The following EFCAB8 variants were observed in gnomAD, a reference collection of about 807,000 sequenced individuals.
EFCAB8 encodes EF-hand calcium binding domain 8.
EFCAB8 carries 100 observed loss-of-function variants against 116.3 expected under a neutral mutation model. The observed-to-expected ratio is 0.86, with a 90% confidence interval of 0.73 to 1.02. The LOEUF (loss-of-function observed/expected upper bound fraction) is 1.02, where lower values mean the gene tolerates loss of function less well. EFCAB8 is among the 50% of genes least tolerant of loss of function. The pLI, the probability that EFCAB8 is intolerant of heterozygous loss-of-function variation, is 0.00. For missense variants in EFCAB8, 1,320 were observed against 1,416.9 expected (o/e 0.93, Z 1.10); for synonymous variants, 558 against 567.9 (o/e 0.98, Z 0.25).
At chr20:32,905,804 G>C (rs1380861587) in intron 11 of EFCAB8, among the ~76,000 whole-genome samples, 1 of 139,590 alleles carries the variant, frequency 7.2e-6, no homozygotes, top group Admixed American at 7.3e-5. Context: ...TATAGGTATA[G>C]AGTGGGCACC....
At chr20:32,921,382 T>TGTGC (rs2069208783) in intron 20 of EFCAB8, among the ~76,000 whole-genome samples, 1 of 151,414 alleles carries the variant, frequency 6.6e-6, no homozygotes, top group African/African-American at 2.4e-5. Context: ...TGTGTGTGTG[T>TGTGC]GTGTGTGTGT....
rs1223393423 is a variant in EFCAB8 at position 32,920,060 on chromosome 20, G to A, written c.2275-18G>A. The stretch of plus-strand genomic sequence containing the variant: ...GAAACACCCTCATGGTGACTTGGGT[G>A]CCCATCTTTCTTTCCAGAAACCTTC... On this transcript the variant is annotated intron_variant, in intron 19 of 26. Coordinates refer to ENST00000400522, the MANE Select transcript of EFCAB8 (RefSeq NM_001143967.2). The A allele has an allele frequency of 1.3e-6, 2 of 1,551,718 alleles. No homozygotes were observed. Among genetic ancestry groups the A allele is most frequent in the East Asian group, 2.4e-5 (1 of 40,928 alleles).
intron 2 of EFCAB8, among the ~76,000 whole-genome samples, chr20:32,864,916 AG>A (rs1175491645): frequency 6.6e-6 from 1 of 152,222 alleles, no homozygotes; most frequent in African/African-American, 2.4e-5. Context: ...ACATGTATTC[AG>A]GTGTCATTTA....
At chr20:32,941,729 C>A (rs970406501) in intron 22 of EFCAB8, among the ~76,000 whole-genome samples, 1 of 152,092 alleles carries the variant, frequency 6.6e-6, no homozygotes, top group African/African-American at 2.4e-5. Flanking sequence ...TGCGTAGTGA[C>A]TACTGGGTAA....
At chr20:32,934,336 C>T (rs962342242) in intron 22 of EFCAB8, among the ~76,000 whole-genome samples, 2 of 152,060 alleles carry the variant, frequency 1.3e-5, no homozygotes, top group Admixed American at 6.6e-5. Context: ...ACCACATTTG[C>T]ATTATCCATT....
At chr20:32,929,315 G>C in intron 20 of EFCAB8, among the ~76,000 whole-genome samples, 1 of 151,998 alleles carries the variant, frequency 6.6e-6, no homozygotes. Context: ...ATCAAGCTTT[G>C]GGCACAAGGG....
chr20:32,919,445 T>G (rs1987348097), intron 19 of EFCAB8, among the ~76,000 whole-genome samples: 1 of 152,206 alleles, frequency 6.6e-6, no homozygotes, highest in Admixed American at 6.5e-5. Context: ...ACCACTGTTT[T>G]CAAATCTTCT....
At chr20:32,874,556 T>C (rs1387259262) in intron 3 of EFCAB8, among the ~76,000 whole-genome samples, 1 of 151,938 alleles carries the variant, frequency 6.6e-6, no homozygotes, top group Non-Finnish European at 1.5e-5. Context: ...TCCTTTTTCT[T>C]TTTTTGAGAC....
intron 4 of EFCAB8, among the ~76,000 whole-genome samples, chr20:32,877,545 C>A (rs1162912839): frequency 6.6e-6 from 1 of 152,180 alleles, no homozygotes; most frequent in African/African-American, 2.4e-5. Flanking sequence ...ATAAACATTT[C>A]CTTTAGAACA....
At chr20:32,925,609 T>A (rs1987640047) in intron 20 of EFCAB8, among the ~76,000 whole-genome samples, 1 of 152,226 alleles carries the variant, frequency 6.6e-6, no homozygotes, top group South Asian at 2.1e-4. Flanking sequence ...TGCCTCAGCC[T>A]CCCAAAGTGT....
At chr20:32,867,439 G>C in intron 2 of EFCAB8, 143 bp from the exon 3 acceptor site, 1 of 941,466 alleles carries the variant, frequency 1.1e-6, no homozygotes, top group Non-Finnish European at 1.5e-6. Context: ...AAATGGTTAA[G>C]AATTCTGTAT....
chr20:32,868,641 G>A (rs1460506296), intron 3 of EFCAB8, among the ~76,000 whole-genome samples: 1 of 152,106 alleles, frequency 6.6e-6, no homozygotes, highest in Non-Finnish European at 1.5e-5. Context: ...CAGGAGTCTG[G>A]GCATGGCTTA....
intron 11 of EFCAB8, among the ~76,000 whole-genome samples, chr20:32,899,151 C>T (rs988691891): frequency 2.0e-5 from 3 of 151,836 alleles, no homozygotes; most frequent in Non-Finnish European, 2.9e-5. Context: ...TTTGGGAAGC[C>T]GAGGTGGGTG....
At chr20:32,907,588 CTG>C (rs1600409737) in intron 13 of EFCAB8, among the ~76,000 whole-genome samples, 1 of 152,214 alleles carries the variant, frequency 6.6e-6, no homozygotes, top group East Asian at 1.9e-4. Context: ...TTCTGGAACT[CTG>C]GAGATGGAGA....
At chr20:32,954,949 C>T (rs959494576) in intron 23 of EFCAB8, among the ~76,000 whole-genome samples, 1 of 152,090 alleles carries the variant, frequency 6.6e-6, no homozygotes, top group Admixed American at 6.5e-5. Context: ...CTTAATGGAA[C>T]TTTATTGTAT....
chr20:32,932,270 G>A (rs1253546000), intron 22 of EFCAB8, among the ~76,000 whole-genome samples: 2 of 152,044 alleles, frequency 1.3e-5, no homozygotes, highest in Non-Finnish European at 2.9e-5. Context: ...CCAGCTACTT[G>A]GGAGGCTGAG....
intron 24 of EFCAB8, 38 bp from the exon 25 acceptor site, chr20:32,959,740 G>T: frequency 7.0e-7 from 1 of 1,423,218 alleles, no homozygotes; most frequent in Non-Finnish European, 9.3e-7. Flanking sequence ...CTGCTTTGCA[G>T]TGGGGGGACA....
At chr20:32,917,705 C>T (rs942203555) in intron 18 of EFCAB8, among the ~76,000 whole-genome samples, 200 bp downstream of exon 18, 1 of 152,138 alleles carries the variant, frequency 6.6e-6, no homozygotes, top group Non-Finnish European at 1.5e-5. Context: ...TGGAGGCACA[C>T]GGAGATGAAG....
rs1986171610 is a variant in EFCAB8, at chr20:32,896,593, A to G, written c.957+66A>G. 5 of 706,112 alleles carry G rather than the reference A, an allele frequency of 7.1e-6. No homozygotes were observed. The South Asian group carries it at 7.6e-5, about 11-fold the overall frequency. 43.7% of individuals were successfully genotyped at this position (706,112 alleles called of 1,614,324 possible). A position where few individuals can be genotyped will look rare whatever the true frequency, so the allele number is the denominator to read the frequency against. On this transcript the variant is annotated intron_variant, in intron 10 of 26. Transcript: ENST00000400522. ...TCTGTACACACACACCACTCAAAAT[A>G]AATGCAAAAAGTGGATTTACTCCCT...
Sources: allele counts gnomAD v4.1 joint callset (sites outside exome capture counted in the v4.1 genomes callset), GRCh38; gene constraint gnomAD v4.1.1; transcripts MANE v1.5; gene names NCBI Gene and HGNC (gene_info 2026-07-23, HGNC 2026-07-21).